The following GPBP1L1 variants were observed in gnomAD, a reference collection of about 807,000 sequenced individuals.
GPBP1L1 encodes the protein vasculin-like protein 1.
GPBP1L1 carries 23 observed loss-of-function variants against 52.5 expected under a neutral mutation model. The ratio of observed to expected loss-of-function variants is 0.44; its 90% CI spans 0.32 to 0.62. GPBP1L1 has a LOEUF of 0.62. Among genes scored for constraint, GPBP1L1 ranks in the 20% least tolerant of loss-of-function variants. The pLI is 0.06. For synonymous variants in GPBP1L1, 243 were observed against 203.1 expected (o/e 1.20, Z -1.67); for missense variants, 596 against 579.3 (o/e 1.03, Z -0.30).
rs1226331299 is a variant in GPBP1L1 at position 45,675,211 on chromosome 1, C to T, written c.-1098+10365G>A. Among the ~76,000 whole-genome samples, 3 of 151,920 alleles carry T rather than the reference C, an allele frequency of 2.0e-5. No individual in the cohort carries two copies. In the East Asian group the frequency reaches 5.8e-4, roughly 29 times the overall value. On this transcript the variant is annotated intron_variant, in intron 2 of 12. Coordinates refer to ENST00000355105, the MANE Select transcript of GPBP1L1 (RefSeq NM_021639.5). Reference sequence around the variant, plus strand: ...ACTTGGGAGGCTGAGGCAGGAGAATCGCTTGAACCCAGGAGGCGGAGGTTG... The same window carrying T: ...ACTTGGGAGGCTGAGGCAGGAGAATTGCTTGAACCCAGGAGGCGGAGGTTG...
chr1:45,633,867 TCAG>T lies in GPBP1L1; in HGVS notation c.886-223_886-221del, dbSNP rs1644561989. ...CACCTCTTTGATCTTTCTACAGACA[TCAG>T]CAGAATGCCAGTCTAACATAGGATG... On this transcript the variant is annotated intron_variant, in intron 9 of 12. Coordinates refer to ENST00000355105, the MANE Select transcript of GPBP1L1 (RefSeq NM_021639.5). 7.7e-6 allele frequency: 5 copies of T among 649,714 alleles called. No homozygotes were observed. The East Asian group carries it at 1.1e-4, about 14-fold the overall frequency. The allele number at this position is 649,714 out of a possible 1,614,324, so 40.2% of individuals were successfully genotyped here. A position where few individuals can be genotyped will look rare whatever the true frequency, so the allele number is the denominator to read the frequency against.
rs556590492 is a variant in GPBP1L1 at position 45,628,006 on chromosome 1, A to ATG, written c.*248_*249dup. On this transcript the variant is annotated 3_prime_UTR_variant, in exon 13 of 13. Coordinates refer to ENST00000355105, the MANE Select transcript of GPBP1L1 (RefSeq NM_021639.5). Reference sequence around the variant, plus strand: ...ATCGCCCCATATATACTGGGTGTGTATGTGTGTGTGTGTGTGAGTGTGTTT... The same window carrying ATG: ...ATCGCCCCATATATACTGGGTGTGTATGTGTGTGTGTGTGTGTGAGTGTGTTT... 1,589 of 402,564 alleles carry ATG rather than the reference A, an allele frequency of 3.9e-3. 11 individuals carry two copies. The highest frequency in any genetic ancestry group is 3.0e-3 in the South Asian group (105 of 34,770). 24.9% of individuals were successfully genotyped at this position (402,564 alleles called of 1,614,324 possible).
intron 2 of GPBP1L1, among the ~76,000 whole-genome samples, chr1:45,677,947 T>TAA (rs1264121336): frequency 1.2e-4 from 19 of 152,226 alleles, no homozygotes; most frequent in Non-Finnish European, 1.5e-5. Context: ...AAACAAGTTG[T>TAA]AAAACCTCTA....
intron 2 of GPBP1L1, among the ~76,000 whole-genome samples, chr1:45,678,346 C>T (rs1557723466): frequency 2.0e-5 from 3 of 152,090 alleles, no homozygotes; most frequent in South Asian, 2.1e-4. Context: ...ACGATTGATA[C>T]GGGACTGGGA....
intron 10 of GPBP1L1, among the ~76,000 whole-genome samples, chr1:45,631,887 G>A (rs964058269): frequency 6.6e-6 from 1 of 152,092 alleles, no homozygotes; most frequent in Non-Finnish European, 1.5e-5. Context: ...TAATGCCACT[G>A]CATTCAGCCT....
In GPBP1L1 at chr1:45,664,575, A is replaced by C. The variant is rs140129416; in HGVS notation, c.-1097-3350T>G. On this transcript the variant is annotated intron_variant, in intron 2 of 12. Transcript: ENST00000355105. ...GCAAGACTCTGCCTCAAATAAAATA[A>C]AATAAAATAAAATAAAATTATTCCA... Among the ~76,000 whole-genome samples the C allele has an allele frequency of 1.4e-4, 22 of 152,288 alleles. No individual in the cohort carries two copies. The South Asian group carries it at 2.1e-3, about 14-fold the overall frequency.
In GPBP1L1 at chr1:45,655,249, C is replaced by T. The variant is rs1435847227; in HGVS notation, c.131G>A (p.Arg44His). ...ACCATCAGAGGAATTATGTCGACGG[C>T]GGCTTACTCCAAATCTACCTTCTCC... ...PRGEGRFGVS[R>H]RRHNSSDGFF... The change falls in exon 5 of 13, where the codon CGC (arginine) becomes CAC (histidine). Residue 44 changes from arginine to histidine, a missense_variant. Coordinates refer to ENST00000355105, the MANE Select transcript of GPBP1L1 (RefSeq NM_021639.5). 5.6e-6 allele frequency: 9 copies of T among 1,613,976 alleles called. 1 individual carries two copies. Among genetic ancestry groups the T allele is most frequent in the Non-Finnish European group, 7.6e-6 (9 of 1,179,992 alleles).
At chr1:45,639,319 G>A (rs1644637932) in intron 8 of GPBP1L1, among the ~76,000 whole-genome samples, 1 of 152,254 alleles carries the variant, frequency 6.6e-6, no homozygotes, top group African/African-American at 2.4e-5. Context: ...GGACAGCATA[G>A]AGAGAATAAC....
intron 2 of GPBP1L1, among the ~76,000 whole-genome samples, chr1:45,668,790 T>C (rs1645040627): frequency 6.6e-6 from 1 of 152,064 alleles, no homozygotes; most frequent in Admixed American, 6.6e-5. Context: ...CTAGGCAAAA[T>C]AGGGAGACCC....
intron 7 of GPBP1L1, among the ~76,000 whole-genome samples, chr1:45,641,089 G>A (rs1644665721): frequency 1.3e-5 from 2 of 152,096 alleles, no homozygotes; most frequent in African/African-American, 4.8e-5. Flanking sequence ...GAGAGATGAG[G>A]TAATCAGGGA....
In GPBP1L1 at chr1:45,659,009, C is replaced by A. The variant is rs374290734; in HGVS notation, c.60+19G>T. 1 of 1,520,678 alleles carries A rather than the reference C, an allele frequency of 6.6e-7. No individual in the cohort carries two copies. Among genetic ancestry groups the A allele is most frequent in the African/African-American group, 1.4e-5 (1 of 73,086 alleles). The allele number at this position is 1,520,678 out of a possible 1,614,324, so 94.2% of individuals were successfully genotyped here. A position where few individuals can be genotyped will look rare whatever the true frequency, so the allele number is the denominator to read the frequency against. The stretch of plus-strand genomic sequence containing the variant: ...CCCTCTCATATTTGAGAAGTTACTA[C>A]AGGAATGGAGAACAGTACCTTAGCT... On this transcript the variant is annotated intron_variant, in intron 4 of 12. Transcript: ENST00000355105.
intron 6 of GPBP1L1, among the ~76,000 whole-genome samples, chr1:45,652,927 G>A (rs1644836522): frequency 6.6e-6 from 1 of 152,120 alleles, no homozygotes; most frequent in Non-Finnish European, 1.5e-5. Context: ...GGATTTGCTT[G>A]TAATACAAGT....
At chr1:45,654,968 G>A in intron 5 of GPBP1L1, 139 bp from the exon 6 acceptor site, 1 of 1,023,910 alleles carries the variant, frequency 9.8e-7, no homozygotes, top group Non-Finnish European at 1.4e-6. Flanking sequence ...TTCTTTGTGA[G>A]GTAATTTCTG....
intron 2 of GPBP1L1, among the ~76,000 whole-genome samples, chr1:45,664,005 G>A: frequency 6.6e-6 from 1 of 151,838 alleles, no homozygotes; most frequent in Non-Finnish European, 1.5e-5. Context: ...AGCTGGGACT[G>A]CAGGTGAAAG....
intron 7 of GPBP1L1, among the ~76,000 whole-genome samples, chr1:45,641,151 C>T (rs1644666618): frequency 2.0e-5 from 3 of 152,098 alleles, no homozygotes; most frequent in Admixed American, 2.0e-4. Flanking sequence ...CAAAGGTATA[C>T]ACCATTAGCA....
At chr1:45,650,122 G>C (rs1387353463) in intron 6 of GPBP1L1, among the ~76,000 whole-genome samples, 1 of 152,150 alleles carries the variant, frequency 6.6e-6, no homozygotes, top group Non-Finnish European at 1.5e-5. Context: ...AATTGGGGAA[G>C]ATGAAAAAGC....
chr1:45,661,564 T>C (rs1377353873), intron 2 of GPBP1L1, among the ~76,000 whole-genome samples: 1 of 151,990 alleles, frequency 6.6e-6, no homozygotes, highest in Non-Finnish European at 1.5e-5. Context: ...CAAGCGATTC[T>C]CCTGCCTCAG....
chr1:45,630,811 A>G (rs1475174424), intron 10 of GPBP1L1: 8 of 556,104 alleles, frequency 1.4e-5, no homozygotes, highest in Non-Finnish European at 2.6e-5. Context: ...CAAAAGATCC[A>G]GAACAGCCAA....
intron 7 of GPBP1L1, among the ~76,000 whole-genome samples, chr1:45,641,038 A>C (rs936168836): frequency 2.0e-5 from 3 of 152,064 alleles, no homozygotes; most frequent in East Asian, 1.9e-4. Flanking sequence ...CAAAACAAAA[A>C]AAAACACCTA....
Sources: allele counts gnomAD v4.1 joint callset (sites outside exome capture counted in the v4.1 genomes callset), GRCh38; gene constraint gnomAD v4.1.1; transcripts MANE v1.5; gene names NCBI Gene and HGNC (gene_info 2026-07-23, HGNC 2026-07-21).